The following MTMR3 variants were observed in gnomAD, a reference collection of about 807,000 sequenced individuals.
The protein encoded by MTMR3 is myotubularin related protein 3, also known as phosphatidylinositol-3,5-bisphosphate 3-phosphatase MTMR3.
Under a neutral mutation model 132.4 loss-of-function variants are expected in MTMR3, and 32 were observed. The observed-to-expected ratio is 0.24, with a 90% CI of 0.18 to 0.32. The LOEUF is 0.32. Among genes scored for constraint, MTMR3 ranks in the 10% least tolerant of loss-of-function variants. The probability of loss-of-function intolerance (pLI) is 1.00; values close to 1 mark genes in which losing one functional copy is unlikely to be tolerated. For synonymous variants in MTMR3, 556 were observed against 550.3 expected (o/e 1.01, Z -0.14); for missense variants, 1,216 against 1,489.6 (o/e 0.82, Z 3.02).
chr22:29,946,021 T>TTGTGTGTGTGTGTG lies in MTMR3; in HGVS notation c.-137-11011_-137-10998dup, dbSNP rs57792760. Among the ~76,000 whole-genome samples the TTGTGTGTGTGTGTG allele has an allele frequency of 2.5e-4, 37 of 150,892 alleles. 1 individual carries two copies. Among genetic ancestry groups the TTGTGTGTGTGTGTG allele is most frequent in the South Asian group, 8.4e-4 (4 of 4,754 alleles). ...AAAACTTGTGTGTGTGTGTATATAT[T>TTGTGTGTGTGTGTG]TGTGTGTGTGTGTGTGTAAGGTAAT... On this transcript the variant is annotated intron_variant, in intron 1 of 19. Coordinates refer to ENST00000401950, the MANE Select transcript of MTMR3 (RefSeq NM_021090.4).
At chr22:29,930,935 A>T (rs906034546) in intron 1 of MTMR3, among the ~76,000 whole-genome samples, 6 of 146,646 alleles carry the variant, frequency 4.1e-5, no homozygotes, top group Middle Eastern at 3.5e-3. Context: ...TGATCCTGGG[A>T]GGTGGAGGCT....
intron 1 of MTMR3, among the ~76,000 whole-genome samples, chr22:29,940,949 T>C (rs1167773780): frequency 6.7e-6 from 1 of 150,096 alleles, no homozygotes; most frequent in African/African-American, 2.5e-5. Context: ...GGGAGATTAG[T>C]GCATATGATC....
chr22:30,027,675 TTAA>T lies in MTMR3; in HGVS notation c.*1877_*1879del, dbSNP rs1444696658. The T allele has an allele frequency of 1.3e-5, 2 of 152,786 alleles. No individual in the cohort carries two copies. Among genetic ancestry groups the T allele is most frequent in the Non-Finnish European group, 2.9e-5 (2 of 68,044 alleles). The allele number at this position is 152,786 out of a possible 1,614,324, so 9.5% of individuals were successfully genotyped here. On this transcript the variant is annotated 3_prime_UTR_variant, in exon 20 of 20. Transcript: ENST00000401950. The stretch of plus-strand genomic sequence containing the variant: ...TTTTGATCGATGAAGCACTTTTTTA[TTAA>T]TATTTTCCTTTGTTAAAGGAGGAAC...
At chr22:29,891,437 G>A (rs1351430837) in intron 1 of MTMR3, among the ~76,000 whole-genome samples, 1 of 150,680 alleles carries the variant, frequency 6.6e-6, no homozygotes, top group Non-Finnish European at 1.5e-5. Context: ...TGTATAATAT[G>A]TATATATTTT....
At chr22:30,008,386 A>G (rs914809212) in intron 11 of MTMR3, 1 of 208,840 alleles carries the variant, frequency 4.8e-6, no homozygotes, top group South Asian at 7.4e-5. Context: ...GACAGAGGGT[A>G]TGCTCACCAC....
Position 29,887,570 on chromosome 22 carries a change from A to G in MTMR3, c.-138+4211A>G, listed in dbSNP as rs140481892. 3.9e-5 allele frequency among the ~76,000 whole-genome samples: 6 copies of G among 152,324 alleles called. No homozygotes were observed. The South Asian group carries it at 6.2e-4, about 16-fold the overall frequency. The stretch of plus-strand genomic sequence containing the variant: ...TCTGGCTGGAGAAACCTTTCAGCAC[A>G]TGTATCCTGTCTGCCAGTCGGAATA... On this transcript the variant is annotated intron_variant, in intron 1 of 19. Coordinates refer to ENST00000401950, the MANE Select transcript of MTMR3 (RefSeq NM_021090.4).
intron 13 of MTMR3, 144 bp from the exon 14 acceptor site, chr22:30,013,212 G>T (rs2067479458): frequency 2.9e-6 from 2 of 689,514 alleles, no homozygotes; most frequent in South Asian, 2.1e-5. Context: ...CCTCATCAGG[G>T]ATAGAGCCTT....
chr22:29,918,947 T>C (rs1179039754), intron 1 of MTMR3, among the ~76,000 whole-genome samples: 2 of 152,222 alleles, frequency 1.3e-5, no homozygotes, highest in Non-Finnish European at 2.9e-5. Context: ...GATCTCACTT[T>C]GTTGCTCAGG....
chr22:29,965,861 T>TC lies in MTMR3; in HGVS notation c.-84-5115_-84-5114insC, dbSNP rs1189523259. On this transcript the variant is annotated intron_variant, in intron 2 of 19. Transcript: ENST00000401950. Reference sequence around the variant, plus strand: ...CATCCGGGATGCTTGTGAGAGTTTTTTCAGATTTCTCTGAAAAAAATCTGA... The same window carrying TC: ...CATCCGGGATGCTTGTGAGAGTTTTTCTCAGATTTCTCTGAAAAAAATCTGA... Among the ~76,000 whole-genome samples the TC allele has an allele frequency of 4.5e-3, 680 of 152,284 alleles. 6 individuals carry two copies. Among genetic ancestry groups the TC allele is most frequent in the African/African-American group, 0.015 (642 of 41,558 alleles).
chr22:29,971,246 A>G (rs1038673438), intron 3 of MTMR3, among the ~76,000 whole-genome samples, 184 bp downstream of exon 3: 2 of 152,068 alleles, frequency 1.3e-5, no homozygotes, highest in Non-Finnish European at 2.9e-5. Context: ...GTACTCCAAT[A>G]TACAGAGCAG....
At chr22:29,993,390 GT>G (rs1392876730) in intron 7 of MTMR3, 1 of 152,066 alleles carries the variant, frequency 6.6e-6, no homozygotes, top group Non-Finnish European at 1.5e-5. Context: ...TACATGTACA[GT>G]TTCTGAGTTT....
At chr22:29,912,128 C>T (rs2065225521) in intron 1 of MTMR3, among the ~76,000 whole-genome samples, 1 of 151,994 alleles carries the variant, frequency 6.6e-6, no homozygotes, top group Non-Finnish European at 1.5e-5. Context: ...CATGGATTGC[C>T]CACTTGTGGA....
At chr22:29,978,249 G>GTT in intron 3 of MTMR3, 193 bp from the exon 4 acceptor site, 1 of 427,112 alleles carries the variant, frequency 2.3e-6, no homozygotes, top group African/African-American at 2.0e-5. Context: ...GCATCAATGT[G>GTT]TTTTCAGACT....
intron 9 of MTMR3, chr22:30,006,416 T>C (rs2067274512): frequency 6.6e-6 from 1 of 152,268 alleles, no homozygotes; most frequent in South Asian, 2.1e-4. Context: ...CAGGTAAATG[T>C]TTTATTCCCA....
intron 1 of MTMR3, among the ~76,000 whole-genome samples, chr22:29,947,376 A>T (rs2145824043): frequency 6.6e-6 from 1 of 152,038 alleles, no homozygotes; most frequent in African/African-American, 2.4e-5. Context: ...ATAGTACTTA[A>T]GTTTTTGATG....
chr22:29,934,383 A>C (rs749481150), intron 1 of MTMR3, among the ~76,000 whole-genome samples: 1 of 152,168 alleles, frequency 6.6e-6, no homozygotes, highest in African/African-American at 2.4e-5. Flanking sequence ...AGCTCTGGAC[A>C]TTAAAGATGT....
chr22:29,904,455 G>C (rs1252210355), intron 1 of MTMR3, among the ~76,000 whole-genome samples: 1 of 152,162 alleles, frequency 6.6e-6, no homozygotes, highest in Admixed American at 6.5e-5. Flanking sequence ...GCTTGGGTTT[G>C]AATTGTGGTT....
At chr22:29,967,236 T>TGTGC (rs2066443427) in intron 2 of MTMR3, among the ~76,000 whole-genome samples, 1 of 139,614 alleles carries the variant, frequency 7.2e-6, no homozygotes, top group African/African-American at 2.7e-5. Flanking sequence ...TGTGTGTGCA[T>TGTGC]GCGCGCGCGC....
intron 1 of MTMR3, among the ~76,000 whole-genome samples, chr22:29,910,928 G>A (rs2065199399): frequency 6.6e-6 from 1 of 152,146 alleles, no homozygotes; most frequent in Non-Finnish European, 1.5e-5. Context: ...TTTATGTTTA[G>A]TAGGATTATT....
Sources: gnomAD v4.1 joint callset for allele counts (sites outside exome capture counted in the v4.1 genomes callset) on GRCh38, gnomAD v4.1.1 for gene constraint, MANE v1.5 for transcripts, NCBI Gene and HGNC (gene_info 2026-07-23, HGNC 2026-07-21) for gene names.